Variants in CRTC1 observed in about 807,000 individuals in gnomAD.
CRTC1 encodes CREB regulated transcription coactivator 1.
CRTC1 carries 18 observed loss-of-function variants against 66.1 expected under a neutral mutation model. The observed-to-expected ratio is 0.27, with a 90% confidence interval of 0.19 to 0.40. The LOEUF (loss-of-function observed/expected upper bound fraction) is 0.40, where lower values mean the gene tolerates loss of function less well. Among genes scored for constraint, CRTC1 ranks in the 10% least tolerant of loss-of-function variants. The pLI is 1.00. For synonymous variants in CRTC1, 416 were observed against 398.8 expected (o/e 1.04, Z -0.51); for missense variants, 669 against 887.9 (o/e 0.75, Z 3.13).
chr19:18,731,747 G>T (rs1185086697), intron 1 of CRTC1, among the ~76,000 whole-genome samples: 2 of 152,196 alleles, frequency 1.3e-5, no homozygotes, highest in African/African-American at 4.8e-5. Context: ...ATCTTCGGGA[G>T]ACTCATTCCA....
intron 6 of CRTC1, among the ~76,000 whole-genome samples, chr19:18,757,284 T>C (rs1600961729): frequency 1.3e-5 from 2 of 152,144 alleles, no homozygotes; most frequent in African/African-American, 4.8e-5. Flanking sequence ...CGGGGGCCCC[T>C]ACCTGGAGCC....
rs1408494804 is a variant in CRTC1 at position 18,777,597 on chromosome 19, GGCTGGGCTGGGATCGGA to G, written c.*217_*233del. On this transcript the variant is annotated 3_prime_UTR_variant, in exon 14 of 14. Coordinates refer to ENST00000321949, the MANE Select transcript of CRTC1 (RefSeq NM_015321.3). This position sits in a 1 kb window ranked among gnomAD's most constrained non-coding sequence, Gnocchi z 5.5. The stretch of plus-strand genomic sequence containing the variant: ...GCCGTCCACCCACCCGCCCGCCCAG[GGCTGGGCTGGGATCGGA>G]GGCCGTGAGCCTCCCGCCCCTGCAG... The G allele has an allele frequency of 1.8e-6, 1 of 543,060 alleles. No individual in the cohort carries two copies. The highest frequency in any genetic ancestry group is 2.0e-5 in the African/African-American group (1 of 49,164). The allele number at this position is 543,060 out of a possible 1,614,324, so 33.6% of individuals were successfully genotyped here. A position where few individuals can be genotyped will look rare whatever the true frequency, so the allele number is the denominator to read the frequency against.
intron 1 of CRTC1, among the ~76,000 whole-genome samples, chr19:18,722,202 A>C (rs1206731199): frequency 3.3e-5 from 5 of 152,278 alleles, no homozygotes; most frequent in Non-Finnish European, 2.9e-5. Flanking sequence ...AGACGAGAAA[A>C]CATGCCAAGC....
At chr19:18,707,742 C>G (rs1351057974) in intron 1 of CRTC1, among the ~76,000 whole-genome samples, 1 of 152,182 alleles carries the variant, frequency 6.6e-6, no homozygotes, top group African/African-American at 2.4e-5. Flanking sequence ...CGCCTGTAAT[C>G]CCACCACTTT....
chr19:18,728,319 T>C (rs1468177721), intron 1 of CRTC1, among the ~76,000 whole-genome samples: 1 of 152,146 alleles, frequency 6.6e-6, no homozygotes, highest in Non-Finnish European at 1.5e-5. Flanking sequence ...ATTTGAAACT[T>C]TATTTCCAGG....
At chr19:18,691,399 G>A (rs1457023384) in intron 1 of CRTC1, among the ~76,000 whole-genome samples, 1 of 151,598 alleles carries the variant, frequency 6.6e-6, no homozygotes, top group African/African-American at 2.4e-5. Context: ...GCGTGCACCT[G>A]TAGTCCCAGC....
chr19:18,718,058 T>C (rs1465891284), intron 1 of CRTC1, among the ~76,000 whole-genome samples: 2 of 152,320 alleles, frequency 1.3e-5, no homozygotes, highest in African/African-American at 4.8e-5. Context: ...CCATGGCGTT[T>C]GGCGCATTCA....
At position 18,779,987 on chromosome 19, in the gene CRTC1, C is replaced by T. The variant is rs549037301; in HGVS notation, c.*2605C>T. ...TCTGTATCACGGCCTTTTGTGTGTG[C>T]GTACGTGTGGTTTTTTTAAATATCA... On this transcript the variant is annotated 3_prime_UTR_variant, in exon 14 of 14. Transcript: ENST00000321949. The T allele has an allele frequency of 3.1e-5, 7 of 228,266 alleles. No individual in the cohort carries two copies. Among genetic ancestry groups the T allele is most frequent in the East Asian group, 6.2e-5 (1 of 16,016 alleles). 14.1% of individuals were successfully genotyped at this position (228,266 alleles called of 1,614,324 possible). A position where few individuals can be genotyped will look rare whatever the true frequency, so the allele number is the denominator to read the frequency against.
chr19:18,746,869 C>T (rs746256127), intron 3 of CRTC1, among the ~76,000 whole-genome samples, 184 bp from the exon 4 acceptor site: 10 of 152,154 alleles, frequency 6.6e-5, no homozygotes, highest in Non-Finnish European at 1.3e-4. Context: ...GCCCCTGGAA[C>T]GGGGGCTGCT....
At chr19:18,714,538 C>T (rs1168032424) in intron 1 of CRTC1, among the ~76,000 whole-genome samples, 2 of 152,158 alleles carry the variant, frequency 1.3e-5, no homozygotes, top group Admixed American at 1.3e-4. Flanking sequence ...GAACTCCTGA[C>T]CTCGTGATCC....
chr19:18,732,955 C>T (rs770527637), intron 1 of CRTC1, among the ~76,000 whole-genome samples: 2 of 151,744 alleles, frequency 1.3e-5, no homozygotes, highest in South Asian at 2.1e-4. Context: ...AGCGTGGTGG[C>T]GGGCACCTAT....
chr19:18,702,222 AT>A (rs1163774588), intron 1 of CRTC1, among the ~76,000 whole-genome samples: 6,166 of 133,990 alleles, frequency 0.046, 376 homozygotes, highest in African/African-American at 0.14. Context: ...TGTGCCCAGC[AT>A]TTTTTTTTTT....
chr19:18,693,978 A>G (rs1447322963), intron 1 of CRTC1, among the ~76,000 whole-genome samples: 1 of 152,012 alleles, frequency 6.6e-6, no homozygotes, highest in Admixed American at 6.6e-5. Context: ...ACTAAAATAC[A>G]AAAATTAGCT....
intron 1 of CRTC1, among the ~76,000 whole-genome samples, chr19:18,691,544 A>G (rs1047378885): frequency 1.3e-4 from 18 of 133,984 alleles, no homozygotes; most frequent in African/African-American, 5.2e-4. Flanking sequence ...AAAAAAAAAA[A>G]GACAAGAAAG....
chr19:18,759,506 A>G (rs753290109), intron 6 of CRTC1, 45 bp from the exon 7 acceptor site: 1 of 1,601,858 alleles, frequency 6.2e-7, no homozygotes, highest in Admixed American at 1.7e-5. Context: ...GGAGGGCCCC[A>G]CAGGGTGTGC....
chr19:18,764,317 C>T (rs940408958), intron 8 of CRTC1, among the ~76,000 whole-genome samples: 5 of 152,254 alleles, frequency 3.3e-5, no homozygotes, highest in African/African-American at 7.2e-5. Context: ...CCTGACCTCA[C>T]CAGGGCCTCA....
intron 1 of CRTC1, among the ~76,000 whole-genome samples, chr19:18,733,470 C>G (rs2053933449): frequency 6.6e-6 from 1 of 152,226 alleles, no homozygotes; most frequent in African/African-American, 2.4e-5. Flanking sequence ...CATTCCGAGG[C>G]AGGCCTGGTG....
chr19:18,761,209 C>T (rs938034853), intron 8 of CRTC1, among the ~76,000 whole-genome samples: 4 of 152,218 alleles, frequency 2.6e-5, no homozygotes, highest in Non-Finnish European at 5.9e-5. Context: ...CCTCTACTGC[C>T]GCGTTGCTTT....
chr19:18,693,074 CA>C lies in CRTC1; in HGVS notation c.126+9266del, dbSNP rs71168762. Among the ~76,000 whole-genome samples, 685 of 69,318 alleles carry C rather than the reference CA, an allele frequency of 9.9e-3. 3 individuals are homozygous for C. Among genetic ancestry groups the C allele is most frequent in the Non-Finnish European group, 0.014 (530 of 37,958 alleles). 45.5% of individuals were successfully genotyped at this position (69,318 alleles called of 152,430 possible). ...TGGGCGACAGAGCGAGACTCCGTCT[CA>C]AAAAAAAAAAAAAAAAAAAGAAATT... On this transcript the variant is annotated intron_variant, in intron 1 of 13. Transcript: ENST00000321949.
Sources: gnomAD v4.1 joint callset for allele counts (sites outside exome capture counted in the v4.1 genomes callset) on GRCh38, gnomAD v4.1.1 for gene constraint, Gnocchi (gnomAD v3.1) non-coding constraint, MANE v1.5 for transcripts, NCBI Gene and HGNC (gene_info 2026-07-23, HGNC 2026-07-21) for gene names.